Variants in SPATA16 observed in about 807,000 individuals in gnomAD.
SPATA16 encodes spermatogenesis associated 16, also known as spermatogenesis-associated protein 16.
Under a neutral mutation model 63.3 loss-of-function variants are expected in SPATA16, and 36 were observed. The ratio of observed to expected loss-of-function variants is 0.57; its 90% CI spans 0.44 to 0.75. The LOEUF is 0.75. Among genes scored for constraint, SPATA16 ranks in the 30% least tolerant of loss-of-function variants. The probability of loss-of-function intolerance (pLI) is 0.00; values close to 1 mark genes in which losing one functional copy is unlikely to be tolerated. For synonymous variants in SPATA16, 203 were observed against 216.7 expected (o/e 0.94, Z 0.56); for missense variants, 646 against 679.3 (o/e 0.95, Z 0.54).
At chr3:173,075,007 AAAAAAGG>A (rs1560114974) in intron 2 of SPATA16, among the ~76,000 whole-genome samples, 4 of 150,112 alleles carry the variant, frequency 2.7e-5, no homozygotes, top group African/African-American at 7.3e-5. Flanking sequence ...AAAAAAAAAA[AAAAAAGG>A]AAAGAAAAGA....
chr3:173,119,003 GTTGA>G (rs1737984473), intron 1 of SPATA16, among the ~76,000 whole-genome samples: 1 of 152,184 alleles, frequency 6.6e-6, no homozygotes, highest in Non-Finnish European at 1.5e-5. Context: ...TATTAATGTT[GTTGA>G]TTGTCTTCAT....
intron 4 of SPATA16, among the ~76,000 whole-genome samples, chr3:173,010,367 C>T (rs891173171): frequency 4.6e-5 from 7 of 152,134 alleles, no homozygotes; most frequent in Admixed American, 6.5e-5. Context: ...TGCTCTGTTA[C>T]AAGGCCCACT....
intron 5 of SPATA16, among the ~76,000 whole-genome samples, chr3:172,969,505 G>C (rs2108245632): frequency 6.6e-6 from 1 of 152,208 alleles, no homozygotes; most frequent in South Asian, 2.1e-4. Context: ...GGGGACAATA[G>C]AAAAATACAG....
At chr3:172,932,649 C>A (rs1732898152) in intron 6 of SPATA16, among the ~76,000 whole-genome samples, 1 of 152,040 alleles carries the variant, frequency 6.6e-6, no homozygotes, top group Non-Finnish European at 1.5e-5. Flanking sequence ...AAGGTGGCAA[C>A]TTTGAAGCAA....
chr3:173,076,959 T>C (rs1254464072), intron 2 of SPATA16, among the ~76,000 whole-genome samples: 1 of 152,074 alleles, frequency 6.6e-6, no homozygotes, highest in Non-Finnish European at 1.5e-5. Context: ...GAATTGTTAA[T>C]CCCATACTGC....
At chr3:173,128,941 C>T (rs1183269513) in intron 1 of SPATA16, among the ~76,000 whole-genome samples, 1 of 152,244 alleles carries the variant, frequency 6.6e-6, no homozygotes, top group Non-Finnish European at 1.5e-5. Flanking sequence ...ACACTGGCAC[C>T]TGGGCTTCCA....
At chr3:173,033,861 C>A (rs982950879) in intron 3 of SPATA16, among the ~76,000 whole-genome samples, 1 of 152,012 alleles carries the variant, frequency 6.6e-6, no homozygotes, top group Non-Finnish European at 1.5e-5. Flanking sequence ...TGCACCACCA[C>A]GCCTGGCTAA....
intron 6 of SPATA16, among the ~76,000 whole-genome samples, chr3:172,951,964 A>G (rs1209484486): frequency 2.0e-5 from 3 of 152,210 alleles, no homozygotes; most frequent in African/African-American, 7.2e-5. Context: ...GATGACTTCT[A>G]TAATTTAGAA....
intron 10 of SPATA16, among the ~76,000 whole-genome samples, chr3:172,893,495 C>T (rs942885147): frequency 1.3e-5 from 2 of 152,220 alleles, no homozygotes; most frequent in Non-Finnish European, 2.9e-5. Flanking sequence ...CAGGCTTTTA[C>T]GCTCCAGAAT....
chr3:173,013,683 C>A (rs566822625), intron 4 of SPATA16, among the ~76,000 whole-genome samples: 1 of 152,186 alleles, frequency 6.6e-6, no homozygotes, highest in Non-Finnish European at 1.5e-5. Context: ...TGCCTAGGCA[C>A]GGGCTTATCC....
intron 4 of SPATA16, among the ~76,000 whole-genome samples, chr3:173,010,774 C>T (rs1735053736): frequency 1.3e-5 from 2 of 152,150 alleles, no homozygotes; most frequent in African/African-American, 4.8e-5. Flanking sequence ...CCCCACAGGC[C>T]TGTGATTTCC....
chr3:173,094,632 T>C (rs1737304682), intron 2 of SPATA16, among the ~76,000 whole-genome samples: 1 of 152,060 alleles, frequency 6.6e-6, no homozygotes, highest in Admixed American at 6.6e-5. Context: ...ATGTAAGCTA[T>C]TCTAATAGAT....
At position 172,986,371 on chromosome 3, in the gene SPATA16, A is replaced by G. The variant is rs553108509; in HGVS notation, c.849-9319T>C. Among the ~76,000 whole-genome samples the G allele has an allele frequency of 2.8e-3, 434 of 152,300 alleles. 2 individuals are homozygous for G. The highest frequency in any genetic ancestry group is 0.01 in the African/African-American group (423 of 41,554). On this transcript the variant is annotated intron_variant, in intron 4 of 10. Transcript: ENST00000351008. ...GTTTCTCTGTTCCACAAAGATGAGG[A>G]TACTAAGACGAGTCAGCCATTCCTA...
At chr3:173,116,433 A>C (rs562325047) in intron 2 of SPATA16, among the ~76,000 whole-genome samples, 7 of 152,230 alleles carry the variant, frequency 4.6e-5, no homozygotes, top group Non-Finnish European at 8.8e-5. Context: ...ACAGTATGTC[A>C]TGAGCTAGTA....
intron 4 of SPATA16, among the ~76,000 whole-genome samples, chr3:172,979,675 G>T (rs1734253015): frequency 1.3e-5 from 2 of 151,954 alleles, no homozygotes; most frequent in South Asian, 2.1e-4. Context: ...ATAATATATT[G>T]TCGCATTGTT....
At chr3:172,953,456 A>C (rs1467505792) in intron 6 of SPATA16, among the ~76,000 whole-genome samples, 1 of 152,236 alleles carries the variant, frequency 6.6e-6, no homozygotes. Flanking sequence ...TTCACAAGCT[A>C]GCAGTCCAGC....
intron 3 of SPATA16, among the ~76,000 whole-genome samples, chr3:173,025,690 C>T (rs1735435958): frequency 6.6e-6 from 1 of 151,900 alleles, no homozygotes; most frequent in Non-Finnish European, 1.5e-5. Context: ...TAGAATATCA[C>T]TTAAATGGAA....
At chr3:172,950,996 G>A (rs1244280390) in intron 6 of SPATA16, among the ~76,000 whole-genome samples, 2 of 152,046 alleles carry the variant, frequency 1.3e-5, no homozygotes, top group African/African-American at 2.4e-5. Flanking sequence ...ATACAACCAT[G>A]CAAGAATAAG....
chr3:172,976,884 T>C, intron 5 of SPATA16, 84 bp downstream of exon 5: 1 of 1,085,990 alleles, frequency 9.2e-7, no homozygotes, highest in East Asian at 2.4e-5. Context: ...TACCTTTTTC[T>C]TCAGTCTTTT....
Sources: allele counts gnomAD v4.1 joint callset (sites outside exome capture counted in the v4.1 genomes callset), GRCh38; gene constraint gnomAD v4.1.1; transcripts MANE v1.5; gene names NCBI Gene and HGNC (gene_info 2026-07-23, HGNC 2026-07-21).